Variants in PXDN observed in about 807,000 individuals in gnomAD.
The protein encoded by PXDN is peroxidasin.
A neutral mutation model predicts 140.3 loss-of-function variants in PXDN; 77 were observed. That is an observed-to-expected ratio of 0.55 (90% CI 0.46 to 0.66). The LOEUF (loss-of-function observed/expected upper bound fraction) is 0.66. Ranked by LOEUF, PXDN falls within the 30% of genes least tolerant of loss-of-function variation. The probability of loss-of-function intolerance (pLI) is 0.00; values close to 1 mark genes in which losing one functional copy is unlikely to be tolerated. For missense variants in PXDN, 1,838 were observed against 2,039.5 expected (o/e 0.90, Z 1.90); for synonymous variants, 911 against 857.4 (o/e 1.06, Z -1.09).
chr2:1,738,006 C>T (rs1240229323), intron 1 of PXDN, among the ~76,000 whole-genome samples: 1 of 152,148 alleles, frequency 6.6e-6, no homozygotes, highest in Non-Finnish European at 1.5e-5. Context: ...GGTCTGGCAG[C>T]AGGCAGAGTT....
At chr2:1,665,428 T>TA (rs1165998333) in intron 10 of PXDN, among the ~76,000 whole-genome samples, 1 of 152,238 alleles carries the variant, frequency 6.6e-6, no homozygotes, top group African/African-American at 2.4e-5. Context: ...TGCAAATGCT[T>TA]AAAAAATGCC....
intron 7 of PXDN, among the ~76,000 whole-genome samples, chr2:1,679,719 C>CTGTG (rs565815199): frequency 8.9e-6 from 1 of 112,008 alleles, no homozygotes; most frequent in South Asian, 2.8e-4. Context: ...TCTATAAATG[C>CTGTG]TGTGTGTGTG....
intron 14 of PXDN, among the ~76,000 whole-genome samples, chr2:1,658,026 GGC>G (rs1558494190): frequency 6.0e-5 from 5 of 83,606 alleles, no homozygotes; most frequent in African/African-American, 3.0e-4. Context: ...TTCAGCTGTG[GGC>G]TCTCTCTCTC....
chr2:1,676,307 A>G (rs890102765), intron 8 of PXDN: 1 of 152,928 alleles, frequency 6.5e-6, no homozygotes, highest in Admixed American at 6.5e-5. Flanking sequence ...GGACGCATGT[A>G]ATGGTCAGCG....
chr2:1,670,812 T>A (rs891391990), intron 9 of PXDN, among the ~76,000 whole-genome samples: 5 of 152,198 alleles, frequency 3.3e-5, no homozygotes, highest in Non-Finnish European at 7.3e-5. Flanking sequence ...CACAGTGCTG[T>A]GCCCTCGGCA....
intron 3 of PXDN, among the ~76,000 whole-genome samples, chr2:1,690,648 CAAAAAAAAAAA>C (rs35970382): frequency 1.5e-5 from 1 of 68,654 alleles, no homozygotes; most frequent in East Asian, 4.0e-4. Context: ...TTCAAAATAC[CAAAAAAAAAAA>C]AAAAAAAAAA....
chr2:1,706,507 T>G (rs7569420), intron 1 of PXDN, among the ~76,000 whole-genome samples: 1 of 77,926 alleles, frequency 1.3e-5, no homozygotes, highest in African/African-American at 5.8e-5. Context: ...AATAATACAA[T>G]CTGAGAGCAC....
Position 1,713,988 on chromosome 2 carries a change from GGGACAGT to G in PXDN, c.201-20861_201-20855del, listed in dbSNP as rs150942411. Among the ~76,000 whole-genome samples the G allele has an allele frequency of 2.1e-3, 322 of 152,346 alleles. 2 individuals are homozygous for G. The highest frequency in any genetic ancestry group is 7.5e-3 in the African/African-American group (313 of 41,594). On this transcript the variant is annotated intron_variant, in intron 1 of 22. Coordinates refer to ENST00000252804, the MANE Select transcript of PXDN (RefSeq NM_012293.3). ...TGCGGGCCAGGCACGTGGGTCTCAAGGGACAGTGAAGTTTCATGTCACCCTGAAACAT... is the reference window on the plus strand; with the variant it reads ...TGCGGGCCAGGCACGTGGGTCTCAAGGAAGTTTCATGTCACCCTGAAACAT...
Position 1,649,986 on chromosome 2 carries a change from C to T in PXDN, c.2105-311G>A, listed in dbSNP as rs187096947. Among the ~76,000 whole-genome samples, 5 of 152,220 alleles carry T rather than the reference C, an allele frequency of 3.3e-5. No individual in the cohort carries two copies. The highest frequency in any genetic ancestry group is 1.9e-4 in the East Asian group (1 of 5,162). ...AGCTCTCCTCTGGGAGACCCCTAACCGATGGAGCCCGACCCACGTTGACCA... is the reference window on the plus strand; with the variant it reads ...AGCTCTCCTCTGGGAGACCCCTAACTGATGGAGCCCGACCCACGTTGACCA... On this transcript the variant is annotated intron_variant, in intron 16 of 22. Coordinates refer to ENST00000252804, the MANE Select transcript of PXDN (RefSeq NM_012293.3). The surrounding 1 kb of genome is among the most constrained non-coding windows in gnomAD (Gnocchi z 7.1).
At chr2:1,658,235 G>A (rs1444357621) in intron 14 of PXDN, among the ~76,000 whole-genome samples, 2 of 148,916 alleles carry the variant, frequency 1.3e-5, no homozygotes, top group Admixed American at 6.6e-5. Context: ...TCCACTTCAC[G>A]CTGTTGTCTT....
rs751791820 is a variant in PXDN at position 1,643,355 on chromosome 2, C to A, written c.3952+13G>T. On this transcript the variant is annotated intron_variant, in intron 19 of 22. Coordinates refer to ENST00000252804, the MANE Select transcript of PXDN (RefSeq NM_012293.3). ...GATGAAAAAGGAACAGACATGGTGC[C>A]CCTGGCACGCACCTTCACAGCAGTC... The A allele has an allele frequency of 6.2e-7, 1 of 1,610,562 alleles. No individual in the cohort carries two copies. The highest frequency in any genetic ancestry group is 8.5e-7 in the Non-Finnish European group (1 of 1,177,382).
Position 1,714,784 on chromosome 2 carries a change from T to C in PXDN, c.201-21650A>G, listed in dbSNP as rs1372636276. Among the ~76,000 whole-genome samples the C allele has an allele frequency of 6.6e-6, 1 of 152,192 alleles. No homozygotes were observed. Among genetic ancestry groups the C allele is most frequent in the East Asian group, 1.9e-4 (1 of 5,176 alleles). ...CAGACATTTAGAAATGCAAAGTGCA[T>C]AGCTCTTGGGCCGGACAAACCAGGC... On this transcript the variant is annotated intron_variant, in intron 1 of 22. Transcript: ENST00000252804. This position sits in a 1 kb window ranked among gnomAD's most constrained non-coding sequence, Gnocchi z 4.3.
At chr2:1,705,808 G>C (rs1684588974) in intron 1 of PXDN, among the ~76,000 whole-genome samples, 1 of 151,528 alleles carries the variant, frequency 6.6e-6, no homozygotes, top group Non-Finnish European at 1.5e-5. Flanking sequence ...TGGGATGCAG[G>C]TGCGGCTGCC....
chr2:1,730,939 GT>G (rs1372498043), intron 1 of PXDN, among the ~76,000 whole-genome samples: 1 of 152,268 alleles, frequency 6.6e-6, no homozygotes, highest in Admixed American at 6.5e-5. Context: ...AATGCTTCCT[GT>G]GAGAAGAGGA....
At chr2:1,659,601 C>T (rs1051968847) in intron 14 of PXDN, among the ~76,000 whole-genome samples, 3 of 151,886 alleles carry the variant, frequency 2.0e-5, no homozygotes, top group East Asian at 1.9e-4. Context: ...TACGGGTGGA[C>T]GATTAAATTT....
At chr2:1,683,434 T>A (rs1683964222) in intron 6 of PXDN, among the ~76,000 whole-genome samples, 2 of 152,168 alleles carry the variant, frequency 1.3e-5, no homozygotes, top group Admixed American at 1.3e-4. Flanking sequence ...TTTTTTTAAG[T>A]CTTAATTGCC....
chr2:1,639,406 C>G lies in PXDN; in HGVS notation c.3969G>C (p.Gly1323=). Residue 1323 remains glycine, a synonymous_variant, in exon 20 of 23, where the codon GGG becomes GGC. Transcript: ENST00000252804. The surrounding 1 kb of genome is among the most constrained non-coding windows in gnomAD (Gnocchi z 5.0). The part of the protein sequence containing the change: ...QDCCEDCRTR[G]QFNAFSYHFR... ...AATGATAGGAAAAGGCATTGAACTG[C>G]CCCCTGGTCCTACAGTCTAAAATGG... 2 of 1,613,946 alleles carry G rather than the reference C, an allele frequency of 1.2e-6. No individual in the cohort carries two copies. The highest frequency in any genetic ancestry group is 1.7e-6 in the Non-Finnish European group (2 of 1,179,848).
At chr2:1,635,367 C>CGTATACCTTAGGACATGAA (rs1558481135) in intron 22 of PXDN, 41 bp downstream of exon 22, 2 of 1,515,302 alleles carry the variant, frequency 1.3e-6, no homozygotes, top group South Asian at 1.2e-5. Context: ...CTCGGACTTG[C>CGTATACCTTAGGACATGAA]GTATACCTTA....
chr2:1,636,035 G>A (rs1274992295), intron 21 of PXDN: 6 of 239,736 alleles, frequency 2.5e-5, no homozygotes, highest in Middle Eastern at 1.6e-3. Context: ...TTGCAGGGCC[G>A]GGGGGCAGAC....
Sources: gnomAD v4.1 joint callset for allele counts (sites outside exome capture counted in the v4.1 genomes callset) on GRCh38, gnomAD v4.1.1 for gene constraint, Gnocchi (gnomAD v3.1) non-coding constraint, MANE v1.5 for transcripts, NCBI Gene and HGNC (gene_info 2026-07-23, HGNC 2026-07-21) for gene names.